TRAPPC9: variants seen among roughly 807,000 people sequenced by gnomAD.
TRAPPC9 encodes the protein trafficking protein particle complex subunit 9, also known as IKK2 binding protein.
TRAPPC9 carries 83 observed loss-of-function variants against 124.0 expected under a neutral mutation model. The ratio of observed to expected loss-of-function variants is 0.67; its 90% CI spans 0.56 to 0.80. The LOEUF is 0.80. Ranked by LOEUF, TRAPPC9 falls within the 30% of genes least tolerant of loss-of-function variation. The pLI is 0.00. For synonymous variants in TRAPPC9, 638 were observed against 617.5 expected (o/e 1.03, Z -0.49); for missense variants, 1,302 against 1,508.3 (o/e 0.86, Z 2.27).
intron 9 of TRAPPC9, among the ~76,000 whole-genome samples, chr8:140,343,711 C>T (rs903329607): frequency 2.6e-5 from 4 of 152,222 alleles, no homozygotes; most frequent in African/African-American, 9.7e-5. Context: ...CACCTCCTGT[C>T]CTGGCCTCCC....
chr8:139,774,974 C>T (rs759934010), intron 21 of TRAPPC9, among the ~76,000 whole-genome samples: 11 of 152,212 alleles, frequency 7.2e-5, no homozygotes, highest in Admixed American at 6.5e-5. Flanking sequence ...GGTATCATGT[C>T]GCCTCATGCA....
At chr8:139,990,444 C>T (rs1012495946) in intron 18 of TRAPPC9, among the ~76,000 whole-genome samples, 23 of 152,232 alleles carry the variant, frequency 1.5e-4, no homozygotes, top group African/African-American at 5.5e-4. Context: ...CAGAAGTTCA[C>T]ACACACACAT....
intron 14 of TRAPPC9, among the ~76,000 whole-genome samples, chr8:140,280,260 T>C (rs1484906632): frequency 2.6e-5 from 4 of 152,210 alleles, no homozygotes; most frequent in Non-Finnish European, 5.9e-5. Flanking sequence ...GAAGTCCTGG[T>C]GGCAGGCTCG....
At position 140,211,404 on chromosome 8, in the gene TRAPPC9, C is replaced by T. The variant is rs559795157; in HGVS notation, c.2556+10055G>A. Among the ~76,000 whole-genome samples the T allele has an allele frequency of 5.3e-5, 8 of 152,092 alleles. No individual in the cohort carries two copies. In the South Asian group the frequency reaches 1.7e-3, roughly 32 times the overall value. On this transcript the variant is annotated intron_variant, in intron 17 of 22. Coordinates refer to ENST00000438773, the MANE Select transcript of TRAPPC9 (RefSeq NM_001160372.4). ...TGAAATCCTGTCTCTGCAAAAAATACAAAACTTAGCCAGGTGTGGTAGCAC... is the reference window on the plus strand; with the variant it reads ...TGAAATCCTGTCTCTGCAAAAAATATAAAACTTAGCCAGGTGTGGTAGCAC...
intron 17 of TRAPPC9, among the ~76,000 whole-genome samples, chr8:140,128,969 T>TAAAA (rs139243477): frequency 1.4e-5 from 2 of 141,262 alleles, no homozygotes; most frequent in African/African-American, 2.6e-5. Context: ...TAAACTATAA[T>TAAAA]AAAATATATA....
chr8:139,948,157 T>C (rs1327154811), intron 19 of TRAPPC9, among the ~76,000 whole-genome samples: 4 of 151,588 alleles, frequency 2.6e-5, no homozygotes, highest in African/African-American at 9.7e-5. Flanking sequence ...GGGAACTACG[T>C]TGTACCAGGC....
At chr8:140,207,093 T>G (rs1488290857) in intron 17 of TRAPPC9, among the ~76,000 whole-genome samples, 1 of 152,208 alleles carries the variant, frequency 6.6e-6, no homozygotes, top group Non-Finnish European at 1.5e-5. Context: ...TCTCTTCAGC[T>G]CTCAGGAAGC....
Position 139,992,207 on chromosome 8 carries a change from T to A in TRAPPC9, c.2700-3371A>T, listed in dbSNP as rs550657853. On this transcript the variant is annotated intron_variant, in intron 18 of 22. Coordinates refer to ENST00000438773, the MANE Select transcript of TRAPPC9 (RefSeq NM_001160372.4). ...ACACAGTCCACAACACAGGTAGAAA[T>A]AAATCTAACAAAATATATGCACGAT... Among the ~76,000 whole-genome samples, 472 of 152,228 alleles carry A rather than the reference T, an allele frequency of 3.1e-3. 1 individual carries two copies. The highest frequency in any genetic ancestry group is 0.011 in the African/African-American group (449 of 41,550).
chr8:140,400,970 C>A (rs2069245589), intron 6 of TRAPPC9, among the ~76,000 whole-genome samples: 1 of 152,054 alleles, frequency 6.6e-6, no homozygotes, highest in African/African-American at 2.4e-5. Context: ...TGATTTTCAA[C>A]TGATGTTGCA....
intron 19 of TRAPPC9, among the ~76,000 whole-genome samples, chr8:139,920,282 G>A (rs1420448650): frequency 1.4e-4 from 21 of 152,230 alleles, no homozygotes; most frequent in African/African-American, 2.4e-5. Context: ...GGAGGTGGAG[G>A]TTGCAGTGAG....
At chr8:139,820,938 T>TTA (rs1825213385) in intron 21 of TRAPPC9, among the ~76,000 whole-genome samples, 1 of 152,180 alleles carries the variant, frequency 6.6e-6, no homozygotes, top group South Asian at 2.1e-4. Context: ...TATATATGTT[T>TTA]TATATATATA....
intron 16 of TRAPPC9, among the ~76,000 whole-genome samples, chr8:140,232,083 T>A (rs116071604): frequency 0.013 from 2,021 of 151,766 alleles, 42 homozygotes; most frequent in African/African-American, 0.046. Flanking sequence ...CTGTTTTTTT[T>A]AAAAAAACAT....
chr8:140,171,019 C>T (rs1297177047), intron 17 of TRAPPC9, among the ~76,000 whole-genome samples: 1 of 152,230 alleles, frequency 6.6e-6, no homozygotes, highest in South Asian at 2.1e-4. Context: ...CACATTCCTG[C>T]CACCTGGAGC....
chr8:139,994,236 T>G (rs1467064951), intron 18 of TRAPPC9, among the ~76,000 whole-genome samples: 1 of 152,226 alleles, frequency 6.6e-6, no homozygotes, highest in Non-Finnish European at 1.5e-5. Flanking sequence ...AGAGGGCATG[T>G]TGCTGTGCGT....
chr8:139,777,478 C>T (rs1036486217), intron 21 of TRAPPC9, among the ~76,000 whole-genome samples: 3 of 152,252 alleles, frequency 2.0e-5, no homozygotes, highest in East Asian at 1.9e-4. Context: ...ATTGTAGAGG[C>T]GAGGCCTTGT....
chr8:139,859,149 G>A (rs576583254), intron 21 of TRAPPC9, among the ~76,000 whole-genome samples: 2 of 151,676 alleles, frequency 1.3e-5, no homozygotes, highest in African/African-American at 2.4e-5. Context: ...TTTCTGGCCC[G>A]AGTCAGAGTC....
Position 139,804,651 on chromosome 8 carries a change from ACCCACCACCG to A in TRAPPC9, c.3056-72459_3056-72450del, listed in dbSNP as rs1310800100. 1.6e-3 allele frequency among the ~76,000 whole-genome samples: 111 copies of A among 71,242 alleles called. 10 individuals carry two copies. The highest frequency in any genetic ancestry group is 5.8e-3 in the African/African-American group (97 of 16,724). 46.7% of individuals were successfully genotyped at this position (71,242 alleles called of 152,430 possible). On this transcript the variant is annotated intron_variant, in intron 21 of 22. Coordinates refer to ENST00000438773, the MANE Select transcript of TRAPPC9 (RefSeq NM_001160372.4). ...ACCGCCACCAAGCACCACCGCCACCACCCACCACCGCCACCAAGCACCACCACCACACACA... is the reference window on the plus strand; with the variant it reads ...ACCGCCACCAAGCACCACCGCCACCACCACCAAGCACCACCACCACACACA...
intron 19 of TRAPPC9, among the ~76,000 whole-genome samples, chr8:139,912,094 C>T (rs547490391): frequency 2.7e-4 from 41 of 152,182 alleles, no homozygotes; most frequent in Non-Finnish European, 4.6e-4. Flanking sequence ...TATTGTTAAA[C>T]AGTTGGAAGA....
intron 7 of TRAPPC9, among the ~76,000 whole-genome samples, chr8:140,379,430 G>T (rs533790737): frequency 4.6e-5 from 7 of 152,292 alleles, no homozygotes; most frequent in African/African-American, 1.7e-4. Flanking sequence ...ATGGTTGTCA[G>T]GTTGGTGTTT....
Sources: allele counts gnomAD v4.1 joint callset (sites outside exome capture counted in the v4.1 genomes callset), GRCh38; gene constraint gnomAD v4.1.1; transcripts MANE v1.5; gene names NCBI Gene and HGNC (gene_info 2026-07-23, HGNC 2026-07-21).